MYCBP2: variants seen among roughly 807,000 people sequenced by gnomAD.
MYCBP2 encodes MYC binding protein 2, also known as E3 ubiquitin-protein ligase MYCBP2.
MYCBP2 carries 120 observed loss-of-function variants against 525.3 expected under a neutral mutation model. The observed-to-expected ratio is 0.23, with a 90% CI of 0.20 to 0.27. The LOEUF (loss-of-function observed/expected upper bound fraction) is 0.27, where lower values mean the gene tolerates loss of function less well. Among genes scored for constraint, MYCBP2 ranks in the 10% least tolerant of loss-of-function variants. The pLI is 1.00. For synonymous variants in MYCBP2, 1,894 were observed against 1,955.8 expected, an observed-to-expected ratio of 0.97 and a Z score of 0.83; for missense variants, 4,149 against 5,657.1, an observed-to-expected ratio of 0.73 and a Z score of 8.55.
chr13:77,178,979 C>T (rs1400737134), intron 34 of MYCBP2, among the ~76,000 whole-genome samples: 1 of 152,162 alleles, frequency 6.6e-6, no homozygotes, highest in Non-Finnish European at 1.5e-5. Context: ...GGGCTTCAAT[C>T]GTCTCTGAGG....
At chr13:77,301,599 G>C (rs2078820305) in intron 1 of MYCBP2, among the ~76,000 whole-genome samples, 1 of 152,050 alleles carries the variant, frequency 6.6e-6, no homozygotes, top group Non-Finnish European at 1.5e-5. Flanking sequence ...ACCTCTCTAG[G>C]AGAAAACACA....
chr13:77,154,158 T>C (rs1053528593), intron 46 of MYCBP2, among the ~76,000 whole-genome samples: 13 of 152,160 alleles, frequency 8.5e-5, no homozygotes, highest in African/African-American at 3.1e-4. Context: ...TAATTTTGTT[T>C]CCAGCTAATA....
intron 1 of MYCBP2, among the ~76,000 whole-genome samples, chr13:77,306,245 G>T (rs796069111): frequency 2.6e-5 from 4 of 152,220 alleles, no homozygotes; most frequent in African/African-American, 9.6e-5. Context: ...TTCCATAGAA[G>T]CCAGATTCAT....
At chr13:77,190,496 T>C (rs1163544967) in intron 28 of MYCBP2, among the ~76,000 whole-genome samples, 161 bp from the exon 29 acceptor site, 2 of 152,194 alleles carry the variant, frequency 1.3e-5, no homozygotes, top group East Asian at 1.9e-4. Context: ...TAGCTCTGAA[T>C]GGGTTAGTCA....
intron 1 of MYCBP2, among the ~76,000 whole-genome samples, chr13:77,300,419 C>A (rs1439750196): frequency 6.6e-6 from 1 of 152,190 alleles, no homozygotes; most frequent in Non-Finnish European, 1.5e-5. Flanking sequence ...ATAAAACTTC[C>A]AAATTTCACA....
chr13:77,064,466 C>A, intron 73 of MYCBP2, 149 bp downstream of exon 73: 2 of 853,136 alleles, frequency 2.3e-6, no homozygotes, highest in South Asian at 2.0e-5. Flanking sequence ...AATATAAAAG[C>A]CCTTTATACT....
intron 12 of MYCBP2, among the ~76,000 whole-genome samples, 175 bp downstream of exon 12, chr13:77,260,996 T>C (rs2154337818): frequency 6.6e-6 from 1 of 152,280 alleles, no homozygotes; most frequent in Non-Finnish European, 1.5e-5. Context: ...GAAAGTAAAA[T>C]AAGTTCCTCA....
Position 77,068,843 on chromosome 13 carries a change from T to G in MYCBP2, c.11905-12A>C. 1.9e-6 allele frequency: 3 copies of G among 1,611,062 alleles called. No homozygotes were observed. Among genetic ancestry groups the G allele is most frequent in the Non-Finnish European group, 2.5e-6 (3 of 1,178,848 alleles). ...ATATGAGCACACACCTATTTAAAGT[T>G]AACACAGAACATGTAAAAATATAGG... On this transcript the variant is annotated splice_polypyrimidine_tract_variant and intron_variant, in intron 69 of 82. Transcript: ENST00000544440.
At chr13:77,074,977 T>C (rs2042032737) in intron 68 of MYCBP2, among the ~76,000 whole-genome samples, 1 of 152,142 alleles carries the variant, frequency 6.6e-6, no homozygotes, top group Non-Finnish European at 1.5e-5. Flanking sequence ...GGGAGGCCAA[T>C]GCTGGCAGAC....
intron 14 of MYCBP2, among the ~76,000 whole-genome samples, chr13:77,254,514 T>G (rs2071811915): frequency 6.6e-6 from 1 of 151,938 alleles, no homozygotes; most frequent in Non-Finnish European, 1.5e-5. Context: ...TACATAACTG[T>G]TATACCTATT....
intron 67 of MYCBP2, 22 bp from the exon 68 acceptor site, chr13:77,076,871 G>T: frequency 6.5e-7 from 1 of 1,543,926 alleles, no homozygotes; most frequent in Non-Finnish European, 8.9e-7. Flanking sequence ...ATGCATGTGA[G>T]AAGGAATTAA....
chr13:77,062,854 T>C (rs929224440), intron 73 of MYCBP2, among the ~76,000 whole-genome samples, 157 bp from the exon 74 acceptor site: 5 of 152,220 alleles, frequency 3.3e-5, no homozygotes, highest in African/African-American at 1.2e-4. Context: ...GTAGCAGGCA[T>C]ACACGATCAC....
intron 17 of MYCBP2, 86 bp downstream of exon 17, chr13:77,242,973 A>G: frequency 9.4e-7 from 1 of 1,061,470 alleles, no homozygotes; most frequent in Non-Finnish European, 1.4e-6. Context: ...TTACCAAATT[A>G]GTTTATTGTG....
At chr13:77,194,275 T>C (rs1170472283) in intron 26 of MYCBP2, 31 bp from the exon 27 acceptor site, 5 of 1,478,150 alleles carry the variant, frequency 3.4e-6, no homozygotes, top group Non-Finnish European at 4.7e-6. Flanking sequence ...ATCATTTATA[T>C]AAATCAGCTA....
Position 77,161,950 on chromosome 13 carries a change from C to A in MYCBP2, c.6553G>T (p.Glu2185Ter). ...KKDLALPIGN[E>*]LEEDLEILEE... ...AGAATTTCAAGGTCTTCTTCTAATT[C>A]ATTACCTGTTGTGTAAATAAAGAGT... Residue 2185 changes from glutamate (E) to a stop codon, truncating the protein, a stop_gained, in exon 44 of 83, where the codon GAA (glutamate) becomes TAA (stop). Coordinates refer to ENST00000544440, the MANE Select transcript of MYCBP2 (RefSeq NM_015057.5). LOFTEE classifies it high-confidence loss of function. The A allele has an allele frequency of 6.2e-7, 1 of 1,602,146 alleles. No homozygotes were observed. The highest frequency in any genetic ancestry group is 1.1e-5 in the South Asian group (1 of 89,406).
At chr13:77,094,841 C>T (rs1390892094) in intron 58 of MYCBP2, among the ~76,000 whole-genome samples, 1 of 152,130 alleles carries the variant, frequency 6.6e-6, no homozygotes, top group East Asian at 1.9e-4. Flanking sequence ...TATTGTAGCA[C>T]TCCTCACATG....
intron 8 of MYCBP2, among the ~76,000 whole-genome samples, chr13:77,266,541 T>C (rs2074103277): frequency 6.6e-6 from 1 of 152,024 alleles, no homozygotes; most frequent in Non-Finnish European, 1.5e-5. Flanking sequence ...AATATGTTCA[T>C]AGTGTTTATA....
Position 77,296,601 on chromosome 13 carries a change from T to C in MYCBP2, c.376A>G (p.Lys126Glu). The change falls in exon 2 of 83, where the codon AAG becomes GAG. Residue 126 changes from lysine (K) to glutamate (E), a missense_variant and splice_region_variant. Around this residue, in one of 21 missense-constraint regions of MYCBP2, gnomAD observed 413 missense variants for 451.2 expected, o/e 0.92. Transcript: ENST00000544440. Reference protein sequence around the residue: ...KSKSKVKTRSKSENLENTVII... With the variant: ...KSKSKVKTRSESENLENTVII... ...TTATCAATTACCAGCAGCTTTACCT[T>C]GCTTCTTGTCTTCACTTTTGATTTG... 2 of 1,582,536 alleles carry C rather than the reference T, an allele frequency of 1.3e-6. No individual in the cohort carries two copies. The highest frequency in any genetic ancestry group is 1.7e-6 in the Non-Finnish European group (2 of 1,170,170).
intron 1 of MYCBP2, among the ~76,000 whole-genome samples, chr13:77,317,358 G>A (rs2081077520): frequency 6.6e-6 from 1 of 152,208 alleles, no homozygotes; most frequent in Non-Finnish European, 1.5e-5. Flanking sequence ...TTTCTCTTCT[G>A]AGAACCAGGA....
Sources: allele counts gnomAD v4.1 joint callset (sites outside exome capture counted in the v4.1 genomes callset), GRCh38; gene constraint gnomAD v4.1.1; regional missense constraint gnomAD v4.1.1; transcripts MANE v1.5; gene names NCBI Gene and HGNC (gene_info 2026-07-23, HGNC 2026-07-21).